ME1: variants seen among roughly 807,000 people sequenced by gnomAD.
ME1 encodes the protein NADP-dependent malic enzyme.
A neutral mutation model predicts 66.4 loss-of-function variants in ME1; 74 were observed. That is an observed-to-expected ratio of 1.11 (90% CI 0.92 to 1.35). The LOEUF is 1.35. ME1 is among the 40% of genes most tolerant of loss of function. The probability of loss-of-function intolerance (pLI) is 0.00; values close to 1 mark genes in which losing one functional copy is unlikely to be tolerated. For missense variants in ME1, 750 were observed against 694.1 expected (o/e 1.08, Z -0.90); for synonymous variants, 251 against 235.6 (o/e 1.07, Z -0.60).
At chr6:83,408,075 C>A (rs1175223269) in intron 1 of ME1, among the ~76,000 whole-genome samples, 174 bp from the exon 2 acceptor site, 2 of 152,100 alleles carry the variant, frequency 1.3e-5, no homozygotes, top group Non-Finnish European at 2.9e-5. Context: ...TCTCAGTTTC[C>A]CTATCTGTAG....
intron 1 of ME1, among the ~76,000 whole-genome samples, chr6:83,416,436 C>A (rs2128552936): frequency 6.6e-6 from 1 of 152,224 alleles, no homozygotes; most frequent in East Asian, 1.9e-4. Context: ...CCAATTTAGC[C>A]CCCTATCAGA....
intron 3 of ME1, among the ~76,000 whole-genome samples, chr6:83,362,441 T>C (rs887885994): frequency 6.6e-6 from 1 of 152,192 alleles, no homozygotes; most frequent in African/African-American, 2.4e-5. Flanking sequence ...ACTCAGCCTC[T>C]TTCCCCAGCC....
chr6:83,278,132 C>T (rs1767222944), intron 6 of ME1, among the ~76,000 whole-genome samples: 1 of 151,976 alleles, frequency 6.6e-6, no homozygotes. Context: ...ATTAGGTTGC[C>T]CCCAAAACTA....
intron 6 of ME1, among the ~76,000 whole-genome samples, chr6:83,288,206 GT>G (rs904077413): frequency 8.0e-4 from 121 of 152,168 alleles, no homozygotes; most frequent in African/African-American, 2.8e-3. Flanking sequence ...TGCTTTTGGT[GT>G]TTTAGACATG....
chr6:83,424,096 C>CA (rs34763202), intron 1 of ME1, among the ~76,000 whole-genome samples: 5,186 of 114,812 alleles, frequency 0.045, 162 homozygotes, highest in African/African-American at 0.091. Context: ...GACCCTGTCT[C>CA]AAAAAAAAAA....
intron 6 of ME1, among the ~76,000 whole-genome samples, chr6:83,273,711 AAAG>A (rs1273130141): frequency 6.6e-6 from 1 of 152,210 alleles, no homozygotes; most frequent in African/African-American, 2.4e-5. Context: ...ACCATTTTAG[AAAG>A]AAGATTTTAT....
At chr6:83,420,051 T>C (rs952071502) in intron 1 of ME1, among the ~76,000 whole-genome samples, 2 of 152,088 alleles carry the variant, frequency 1.3e-5, no homozygotes, top group Non-Finnish European at 2.9e-5. Context: ...GCAGCCATCT[T>C]GGAATGTGTA....
At chr6:83,411,804 T>A (rs568762388) in intron 1 of ME1, among the ~76,000 whole-genome samples, 16 of 152,288 alleles carry the variant, frequency 1.1e-4, no homozygotes, top group African/African-American at 3.6e-4. Context: ...TCTAAAGACA[T>A]CCTCATATAT....
chr6:83,357,935 C>CTCTCTCTCTCTATATATATATATATA (rs1447805761), intron 3 of ME1, among the ~76,000 whole-genome samples: 2 of 30,038 alleles, frequency 6.7e-5, no homozygotes, highest in African/African-American at 1.2e-4. Flanking sequence ...CTCTCTCTCT[C>CTCTCTCTCTCTATATATATATATATA]TATATATATA....
intron 3 of ME1, among the ~76,000 whole-genome samples, chr6:83,378,248 T>C (rs1261853804): frequency 1.3e-5 from 2 of 152,074 alleles, no homozygotes; most frequent in Non-Finnish European, 2.9e-5. Flanking sequence ...ACTACTATAA[T>C]TGAGCATAAA....
intron 7 of ME1, among the ~76,000 whole-genome samples, chr6:83,243,388 A>G (rs1234704202): frequency 1.6e-5 from 1 of 60,910 alleles, no homozygotes; most frequent in Non-Finnish European, 3.1e-5. Context: ...TTATATTTAT[A>G]TATTTATATA....
rs182317147 is a variant in ME1, at chr6:83,252,612, G to A, written c.814+1017C>T. 1.3e-3 allele frequency among the ~76,000 whole-genome samples: 193 copies of A among 152,222 alleles called. 2 individuals are homozygous for A. The highest frequency in any genetic ancestry group is 5.4e-4 in the Non-Finnish European group (37 of 68,008). ...GTGGAGATTTTAAATAAAGACATGG[G>A]TGTATAGACCTGGAATACAAAGAAG... On this transcript the variant is annotated intron_variant, in intron 7 of 13. Transcript: ENST00000369705.
chr6:83,300,400 C>T (rs2128536577), intron 6 of ME1, among the ~76,000 whole-genome samples: 1 of 151,924 alleles, frequency 6.6e-6, no homozygotes, highest in Non-Finnish European at 1.5e-5. Context: ...TCTAACTAAA[C>T]TAAAGAGCTT....
At chr6:83,271,075 G>A (rs1767073962) in intron 6 of ME1, among the ~76,000 whole-genome samples, 1 of 151,622 alleles carries the variant, frequency 6.6e-6, no homozygotes. Flanking sequence ...GTCAGGAAAG[G>A]GGCTTTTACT....
intron 3 of ME1, among the ~76,000 whole-genome samples, chr6:83,357,554 G>A (rs573538276): frequency 6.6e-6 from 1 of 152,214 alleles, no homozygotes; most frequent in African/African-American, 2.4e-5. Flanking sequence ...TGATGGGACT[G>A]AAGGATATAA....
At chr6:83,260,529 C>T (rs1345488442) in intron 6 of ME1, among the ~76,000 whole-genome samples, 1 of 152,118 alleles carries the variant, frequency 6.6e-6, no homozygotes, top group Non-Finnish European at 1.5e-5. Flanking sequence ...AGATGCTAAG[C>T]CTGGTACACA....
Position 83,246,044 on chromosome 6 carries a change from G to T in ME1, c.815-6408C>A, listed in dbSNP as rs150691287. Among the ~76,000 whole-genome samples the T allele has an allele frequency of 2.8e-4, 42 of 152,174 alleles. No homozygotes were observed. The East Asian group carries it at 7.9e-3, about 29-fold the overall frequency. On this transcript the variant is annotated intron_variant, in intron 7 of 13. Coordinates refer to ENST00000369705, the MANE Select transcript of ME1 (RefSeq NM_002395.6). ...TTTCTTTGTATAACTTGTCTGCTAC[G>T]ATCAGTTATGTCTAGTATTTTGTCA...
chr6:83,395,572 T>C (rs1769715104), intron 3 of ME1, among the ~76,000 whole-genome samples: 1 of 151,588 alleles, frequency 6.6e-6, no homozygotes, highest in South Asian at 2.1e-4. Context: ...ACTTCCCAGA[T>C]TCAAGCGATT....
At chr6:83,348,021 G>A (rs549554493) in intron 4 of ME1, among the ~76,000 whole-genome samples, 17 of 152,108 alleles carry the variant, frequency 1.1e-4, no homozygotes, top group Non-Finnish European at 2.2e-4. Context: ...TTAATTTCCT[G>A]TTCACCTATA....
Sources: allele counts gnomAD v4.1 joint callset (sites outside exome capture counted in the v4.1 genomes callset), GRCh38; gene constraint gnomAD v4.1.1; transcripts MANE v1.5; gene names NCBI Gene and HGNC (gene_info 2026-07-23, HGNC 2026-07-21).